The following GFRA1 variants were observed in gnomAD, a reference collection of about 807,000 sequenced individuals.
GFRA1 encodes GDNF family receptor alpha-1.
In GFRA1, 16 loss-of-function variants were observed where a neutral mutation model predicts 51.6. The observed-to-expected ratio is 0.31, with a 90% CI of 0.21 to 0.47. GFRA1 has a LOEUF of 0.47. Among genes scored for constraint, GFRA1 ranks in the 20% least tolerant of loss-of-function variants. GFRA1 has a pLI of 1.00. For synonymous variants in GFRA1, 270 were observed against 241.3 expected (o/e 1.12, Z -1.10); for missense variants, 530 against 594.3 (o/e 0.89, Z 1.13).
chr10:116,090,717 C>T (rs2133878364), intron 8 of GFRA1, among the ~76,000 whole-genome samples: 1 of 150,906 alleles, frequency 6.6e-6, no homozygotes, highest in East Asian at 1.9e-4. Context: ...GGGGATTTGG[C>T]CTGGATTTAG....
intron 9 of GFRA1, among the ~76,000 whole-genome samples, chr10:116,081,568 G>C (rs544467217): frequency 2.6e-4 from 40 of 152,068 alleles, no homozygotes; most frequent in African/African-American, 8.9e-4. Flanking sequence ...TGTGTGCCTC[G>C]GGTCTCTTGT....
At chr10:116,217,678 C>A (rs1965652801) in intron 4 of GFRA1, among the ~76,000 whole-genome samples, 1 of 152,168 alleles carries the variant, frequency 6.6e-6, no homozygotes, top group Non-Finnish European at 1.5e-5. Flanking sequence ...GTTCTGAAGT[C>A]AGAGCTGGTC....
chr10:116,243,938 A>G lies in GFRA1; in HGVS notation c.418+25565T>C, dbSNP rs1967630185. ...TGAAGCTTGTAAGAGTGGGGTCCCA[A>G]AGATATTCCTCCATGGAGTGAGGAA... On this transcript the variant is annotated intron_variant, in intron 4 of 10. Coordinates refer to ENST00000355422, the MANE Select transcript of GFRA1 (RefSeq NM_005264.8). Among the ~76,000 whole-genome samples, 4 of 152,342 alleles carry G rather than the reference A, an allele frequency of 2.6e-5. No homozygotes were observed. In the South Asian group the frequency reaches 8.3e-4, roughly 32 times the overall value.
intron 4 of GFRA1, among the ~76,000 whole-genome samples, chr10:116,219,779 T>C (rs901025022): frequency 1.3e-5 from 2 of 152,246 alleles, no homozygotes; most frequent in Non-Finnish European, 1.5e-5. Context: ...GAAATTACGT[T>C]ATAGCTGTGA....
chr10:116,269,372 C>G (rs1418388433), intron 4 of GFRA1, 131 bp downstream of exon 4: 9 of 715,462 alleles, frequency 1.3e-5, no homozygotes, highest in Non-Finnish European at 1.8e-5. Context: ...TATCATCATC[C>G]TATTTCTAAT....
chr10:116,238,031 C>A (rs1175621634), intron 4 of GFRA1, among the ~76,000 whole-genome samples: 4 of 152,162 alleles, frequency 2.6e-5, no homozygotes, highest in Non-Finnish European at 5.9e-5. Context: ...ACTCTGAAAA[C>A]CCTCAACTGC....
At chr10:116,249,822 A>G (rs569571695) in intron 4 of GFRA1, among the ~76,000 whole-genome samples, 2 of 152,336 alleles carry the variant, frequency 1.3e-5, no homozygotes, top group South Asian at 4.1e-4. Flanking sequence ...CCTTGCTTGT[A>G]CACAACCTAA....
chr10:116,234,892 T>C (rs948289675), intron 4 of GFRA1, among the ~76,000 whole-genome samples: 8 of 152,170 alleles, frequency 5.3e-5, no homozygotes, highest in African/African-American at 1.9e-4. Context: ...ATTCTCATGA[T>C]AGTGAGTGAG....
chr10:116,066,385 C>A (rs1955116201), intron 9 of GFRA1, among the ~76,000 whole-genome samples: 1 of 152,130 alleles, frequency 6.6e-6, no homozygotes, highest in Non-Finnish European at 1.5e-5. Context: ...CTCAATCCAG[C>A]CATTTGAAAA....
rs5788142 is a variant in GFRA1 at position 116,206,622 on chromosome 10, C to CTT, written c.433+5007_433+5008dup. ...GGTTACACTTCTGAAACCACATTCTCTTTTTTTTTTTTTTTTTTTTTTTGA... is the reference window on the plus strand; with the variant it reads ...GGTTACACTTCTGAAACCACATTCTCTTTTTTTTTTTTTTTTTTTTTTTTTGA... On this transcript the variant is annotated intron_variant, in intron 5 of 10. Coordinates refer to ENST00000355422, the MANE Select transcript of GFRA1 (RefSeq NM_005264.8). 2.0e-4 allele frequency among the ~76,000 whole-genome samples: 17 copies of CTT among 84,494 alleles called. 2 individuals are homozygous for CTT. The highest frequency in any genetic ancestry group is 2.2e-4 in the Non-Finnish European group (10 of 44,750). The allele number at this position is 84,494 out of a possible 152,430, so 55.4% of individuals were successfully genotyped here.
At position 116,228,995 on chromosome 10, in the gene GFRA1, AAAAAAAAAAAAAG is replaced by A. The variant is rs1430822217; in HGVS notation, c.419-17363_419-17351del. ...TACTCCATCTCAAAAAAAAAAAAAA[AAAAAAAAAAAAAG>A]AAAGGCAGGTGGCCTCTAGAAAACG... is the stretch of plus-strand genomic sequence containing the variant. On this transcript the variant is annotated intron_variant, in intron 4 of 10. Transcript: ENST00000355422. Among the ~76,000 whole-genome samples the A allele has an allele frequency of 1.6e-3, 234 of 149,176 alleles. 1 individual carries two copies. Among genetic ancestry groups the A allele is most frequent in the African/African-American group, 5.6e-3 (225 of 40,310 alleles).
At chr10:116,096,880 C>CAA (rs1956611959) in intron 6 of GFRA1, 116 bp from the exon 7 acceptor site, 2 of 154,044 alleles carry the variant, frequency 1.3e-5, no homozygotes, top group Non-Finnish European at 2.7e-5. Context: ...CACACGCACA[C>CAA]GCACACACAC....
At chr10:116,100,555 T>G (rs1956779401) in intron 6 of GFRA1, among the ~76,000 whole-genome samples, 1 of 152,214 alleles carries the variant, frequency 6.6e-6, no homozygotes, top group African/African-American at 2.4e-5. Context: ...GATGAGGTCT[T>G]GAAAGCCTTT....
intron 5 of GFRA1, among the ~76,000 whole-genome samples, chr10:116,171,593 T>C (rs1181343837): frequency 1.1e-4 from 16 of 152,236 alleles, no homozygotes; most frequent in Admixed American, 9.8e-4. Context: ...TAATAATTTG[T>C]AGCATAAAAT....
intron 5 of GFRA1, among the ~76,000 whole-genome samples, chr10:116,184,972 A>T (rs143608054): frequency 6.6e-6 from 1 of 152,252 alleles, no homozygotes; most frequent in Non-Finnish European, 1.5e-5. Context: ...TCTGTTCCTC[A>T]AAATACAAGC....
intron 9 of GFRA1, among the ~76,000 whole-genome samples, chr10:116,068,106 G>A (rs909378889): frequency 6.6e-6 from 1 of 152,162 alleles, no homozygotes; most frequent in African/African-American, 2.4e-5. Flanking sequence ...GTAAGAATAC[G>A]CAGCCAGATC....
intron 4 of GFRA1, among the ~76,000 whole-genome samples, chr10:116,267,198 C>T (rs1589925743): frequency 6.6e-6 from 1 of 152,010 alleles, no homozygotes; most frequent in Admixed American, 6.6e-5. Context: ...GGCACGGTGG[C>T]TCACACCTGT....
intron 5 of GFRA1, among the ~76,000 whole-genome samples, chr10:116,210,882 C>A (rs1334211650): frequency 6.6e-6 from 1 of 152,162 alleles, no homozygotes; most frequent in African/African-American, 2.4e-5. Context: ...CTACTTTTAC[C>A]CAGTAGTGTC....
At chr10:116,153,048 A>G (rs141817178) in intron 5 of GFRA1, among the ~76,000 whole-genome samples, 37 of 152,276 alleles carry the variant, frequency 2.4e-4, no homozygotes, top group Non-Finnish European at 5.0e-4. Flanking sequence ...CTATCCATCC[A>G]TCCATTCATC....
Sources: gnomAD v4.1 joint callset for allele counts (sites outside exome capture counted in the v4.1 genomes callset) on GRCh38, gnomAD v4.1.1 for gene constraint, MANE v1.5 for transcripts, NCBI Gene and HGNC (gene_info 2026-07-23, HGNC 2026-07-21) for gene names.